Variants in ECI2 observed in about 807,000 individuals in gnomAD.
The protein encoded by ECI2 is D3,D2-enoyl-CoA isomerase.
Under a neutral mutation model 38.4 loss-of-function variants are expected in ECI2, and 27 were observed. That is an observed-to-expected ratio of 0.70 (90% CI 0.52 to 0.97). ECI2 has a LOEUF of 0.97. ECI2 is among the 50% of genes least tolerant of loss of function. ECI2 has a pLI of 0.00. For missense variants in ECI2, 470 were observed against 474.4 expected (o/e 0.99, Z 0.09); for synonymous variants, 168 against 172.0 (o/e 0.98, Z 0.18).
chr6:4,117,517 C>T, intron 8 of ECI2, 66 bp from the exon 9 acceptor site: 1 of 1,574,018 alleles, frequency 6.4e-7, no homozygotes, highest in Non-Finnish European at 8.6e-7. Context: ...CAGTTAACTG[C>T]TTTCAGGAGG....
At chr6:4,117,554 T>G in intron 8 of ECI2, 103 bp from the exon 9 acceptor site, 1 of 1,459,394 alleles carries the variant, frequency 6.9e-7, no homozygotes. Context: ...CATGGTCTTT[T>G]GAGGTTGCTG....
intron 5 of ECI2, among the ~76,000 whole-genome samples, chr6:4,127,081 CCT>C (rs1773210014): frequency 1.3e-5 from 2 of 152,186 alleles, no homozygotes; most frequent in Non-Finnish European, 2.9e-5. Flanking sequence ...TATGTACACT[CCT>C]GTCTTTATTT....
intron 9 of ECI2, 46 bp from the exon 10 acceptor site, chr6:4,116,075 G>A (rs1410978026): frequency 6.3e-7 from 1 of 1,577,530 alleles, no homozygotes; most frequent in Non-Finnish European, 8.6e-7. Context: ...GACCTAGGCT[G>A]GACGTGGACT....
chr6:4,130,297 ACT>A (rs777920441), intron 4 of ECI2, 73 bp downstream of exon 4: 2 of 1,613,592 alleles, frequency 1.2e-6, no homozygotes, highest in Non-Finnish European at 1.7e-6. Flanking sequence ...TGATGCTGAA[ACT>A]CTACAGCTTT....
chr6:4,125,509 C>T, intron 6 of ECI2, 139 bp from the exon 7 acceptor site: 1 of 1,221,012 alleles, frequency 8.2e-7, no homozygotes, highest in Non-Finnish European at 1.1e-6. Flanking sequence ...GCCTCCTTGT[C>T]CTGCCACTTC....
chr6:4,119,332 T>C, intron 7 of ECI2, 57 bp from the exon 8 acceptor site: 1 of 1,430,288 alleles, frequency 7.0e-7, no homozygotes, highest in Non-Finnish European at 9.6e-7. Context: ...TTTTTTTTTT[T>C]TTTTGAGACA....
intron 5 of ECI2, 104 bp from the exon 6 acceptor site, chr6:4,126,341 G>A: frequency 1.1e-6 from 1 of 939,474 alleles, no homozygotes; most frequent in South Asian, 1.6e-5. Flanking sequence ...ATACATTGGA[G>A]AACGAGCAAT....
intron 9 of ECI2, 146 bp from the exon 10 acceptor site, chr6:4,116,175 A>T (rs1772255185): frequency 1.3e-6 from 1 of 766,844 alleles, no homozygotes; most frequent in African/African-American, 1.8e-5. Flanking sequence ...ACATGGTGAA[A>T]CCCCATCTCT....
chr6:4,134,118 C>T (rs1274725190), intron 1 of ECI2, among the ~76,000 whole-genome samples: 1 of 152,238 alleles, frequency 6.6e-6, no homozygotes, highest in Non-Finnish European at 1.5e-5. Flanking sequence ...AGCCTCTGCA[C>T]TCACTGATAA....
In ECI2 at chr6:4,126,159, G is replaced by C. The variant is rs774030836; in HGVS notation, c.650C>G (p.Ala217Gly). Residue 217 changes from alanine to glycine, a missense_variant, in exon 6 of 10, where the codon GCT becomes GGT. Transcript: ENST00000380118. Reference protein sequence around the residue: ...DIPPGGVEEKAKNNAVLLREF... With the variant: ...DIPPGGVEEKGKNNAVLLREF... ...CCTCAGTAAAACGGCATTATTTTTA[G>C]CTTTCTCCTCTACTCCACCAGGGGG... 1 of 1,613,854 alleles carries C rather than the reference G, an allele frequency of 6.2e-7. No homozygotes were observed. The highest frequency in any genetic ancestry group is 1.7e-5 in the Admixed American group (1 of 60,014).
chr6:4,135,167 T>G (rs1450547572), intron 1 of ECI2: 1 of 589,938 alleles, frequency 1.7e-6, no homozygotes, highest in East Asian at 3.9e-5. Context: ...GGCTGGGAAG[T>G]GCAGGCCCGG....
At chr6:4,117,101 A>G (rs1772330938) in intron 9 of ECI2, among the ~76,000 whole-genome samples, 1 of 152,250 alleles carries the variant, frequency 6.6e-6, no homozygotes, top group South Asian at 2.1e-4. Context: ...CCACACAGAA[A>G]TGGAAGGTCT....
At chr6:4,130,584 C>T (rs895547604) in intron 3 of ECI2, 24 bp from the exon 4 acceptor site, 3 of 1,614,104 alleles carry the variant, frequency 1.9e-6, no homozygotes, top group Non-Finnish European at 2.5e-6. Flanking sequence ...GACAAACAAC[C>T]TCAGCCCATG....
chr6:4,119,407 A>T, intron 7 of ECI2, 132 bp from the exon 8 acceptor site: 1 of 586,070 alleles, frequency 1.7e-6, no homozygotes, highest in Non-Finnish European at 2.9e-6. Flanking sequence ...TGCAACCTCC[A>T]CCCCTTGGGT....
At chr6:4,119,156 A>C in intron 8 of ECI2, 30 bp downstream of exon 8, 1 of 1,561,740 alleles carries the variant, frequency 6.4e-7, no homozygotes, top group Non-Finnish European at 8.8e-7. Context: ...TGACTCATAA[A>C]ATTTTATATT....
chr6:4,127,758 T>C lies in ECI2; in HGVS notation c.571+4A>G. The C allele has an allele frequency of 6.2e-7, 1 of 1,611,076 alleles. No individual in the cohort carries two copies. ...TAATTAGGATGCCTGAGAAAATGTC[T>C]TACCTGTTAAAACAGTGATGATTGA... On this transcript the variant is annotated splice_donor_region_variant and intron_variant, in intron 5 of 9. Coordinates refer to ENST00000380118, the MANE Select transcript of ECI2 (RefSeq NM_206836.3).
intron 1 of ECI2, 112 bp downstream of exon 1, chr6:4,135,399 T>A (rs1297200843): frequency 1.3e-6 from 2 of 1,574,194 alleles, no homozygotes; most frequent in East Asian, 4.5e-5. Flanking sequence ...AGCAAAATCC[T>A]GTTGCCACCT....
At chr6:4,121,290 T>C (rs190139461) in intron 7 of ECI2, among the ~76,000 whole-genome samples, 1 of 152,376 alleles carries the variant, frequency 6.6e-6, no homozygotes, top group African/African-American at 2.4e-5. Flanking sequence ...CTCCACTATT[T>C]TTTTAAGTTA....
At chr6:4,117,217 T>G in intron 9 of ECI2, 91 bp downstream of exon 9, 1 of 1,471,574 alleles carries the variant, frequency 6.8e-7, no homozygotes, top group South Asian at 1.4e-5. Flanking sequence ...ATGTGTCTTG[T>G]GCTTTTTATG....
Sources: allele counts gnomAD v4.1 joint callset (sites outside exome capture counted in the v4.1 genomes callset), GRCh38; gene constraint gnomAD v4.1.1; transcripts MANE v1.5; gene names NCBI Gene and HGNC (gene_info 2026-07-23, HGNC 2026-07-21).